The following CIMAP3 variants were observed in gnomAD, a reference collection of about 807,000 sequenced individuals.
CIMAP3 encodes the protein ciliary microtubule associated protein 3, also known as ciliary microtubule-associated protein 3.
At chr1:111,339,043 G>A in the CIMAP3 span, among the ~76,000 whole-genome samples, 12 of 152,128 alleles carry the variant, frequency 7.9e-5, no homozygotes, top group African/African-American at 2.9e-4. Context: ...TGCAAGGCTG[G>A]TTCAATATAC....
chr1:111,347,568 C>T, the CIMAP3 span: 3 of 687,712 alleles, frequency 4.4e-6, no homozygotes, highest in East Asian at 2.6e-5. Context: ...ACACACTAAG[C>T]TCACTCCATT....
chr1:111,332,864 G>A, the CIMAP3 span, among the ~76,000 whole-genome samples: 1 of 152,170 alleles, frequency 6.6e-6, no homozygotes, highest in Non-Finnish European at 1.5e-5. Flanking sequence ...CCCTCCAGGG[G>A]CGGCCTGTGA....
At chr1:111,329,598 A>C in the CIMAP3 span, among the ~76,000 whole-genome samples, 1 of 142,132 alleles carries the variant, frequency 7.0e-6, no homozygotes, top group Non-Finnish European at 1.5e-5. Context: ...CTTGTTGCCC[A>C]GCCTGGAATG....
the CIMAP3 span, among the ~76,000 whole-genome samples, chr1:111,339,592 A>G: frequency 6.6e-6 from 1 of 151,918 alleles, no homozygotes; most frequent in African/African-American, 2.4e-5. Context: ...TCATGAGTGA[A>G]TTCCCATTCA....
the CIMAP3 span, among the ~76,000 whole-genome samples, chr1:111,346,035 T>C: frequency 6.6e-6 from 1 of 151,098 alleles, no homozygotes; most frequent in Non-Finnish European, 1.5e-5. Flanking sequence ...ACTATTAGAG[T>C]CTTCTCTGAT....
chr1:111,325,103 A>G, the CIMAP3 span, among the ~76,000 whole-genome samples: 1 of 152,202 alleles, frequency 6.6e-6, no homozygotes, highest in African/African-American at 2.4e-5. Context: ...CTTCATTTGC[A>G]CAAAGATACC....
the CIMAP3 span, among the ~76,000 whole-genome samples, chr1:111,344,033 T>C: frequency 0.78 from 118,579 of 152,176 alleles, 47,162 homozygotes; most frequent in African/African-American, 0.91. Flanking sequence ...TTAATGACTC[T>C]GATATCTGGA....
the CIMAP3 span, chr1:111,350,212 C>T: frequency 1.9e-6 from 3 of 1,609,938 alleles, no homozygotes; most frequent in South Asian, 2.2e-5. Context: ...GAAAAGAACC[C>T]TAAAAGCTGA....
At chr1:111,333,999 A>G in the CIMAP3 span, among the ~76,000 whole-genome samples, 2 of 152,220 alleles carry the variant, frequency 1.3e-5, no homozygotes, top group South Asian at 4.1e-4. Flanking sequence ...TATAGAATTG[A>G]TGATTTTTAC....
At chr1:111,339,549 T>C in the CIMAP3 span, among the ~76,000 whole-genome samples, 2 of 151,500 alleles carry the variant, frequency 1.3e-5, no homozygotes, top group South Asian at 2.1e-4. Flanking sequence ...CAAGCATTCT[T>C]ATACACCAAT....
chr1:111,339,180 AAT>A, the CIMAP3 span, among the ~76,000 whole-genome samples: 1,926 of 151,810 alleles, frequency 0.013, 55 homozygotes, highest in African/African-American at 0.045. Context: ...ACTCTCAATA[AAT>A]TAGGTATTCA....
chr1:111,346,772 C>G, the CIMAP3 span: 1 of 1,558,308 alleles, frequency 6.4e-7, no homozygotes, highest in Non-Finnish European at 8.8e-7. Flanking sequence ...TCGCCCCCCT[C>G]CAGGAGTTTG....
the CIMAP3 span, among the ~76,000 whole-genome samples, chr1:111,334,991 G>A: frequency 6.6e-6 from 1 of 152,054 alleles, no homozygotes; most frequent in Non-Finnish European, 1.5e-5. Flanking sequence ...AGCTGGGCGT[G>A]GTGGTGCACA....
At chr1:111,328,945 C>T in the CIMAP3 span, among the ~76,000 whole-genome samples, 5 of 152,186 alleles carry the variant, frequency 3.3e-5, no homozygotes, top group Admixed American at 6.5e-5. Flanking sequence ...TACAATTACA[C>T]TGGTCTGTGT....
At chr1:111,328,151 T>C in the CIMAP3 span, among the ~76,000 whole-genome samples, 1,204 of 152,314 alleles carry the variant, frequency 7.9e-3, 16 homozygotes, top group African/African-American at 0.027. Context: ...CATGTAATTG[T>C]ATAGTTTTGA....
the CIMAP3 span, chr1:111,351,165 A>ATTTTTTT: frequency 1.3e-6 from 1 of 763,804 alleles, no homozygotes; most frequent in Non-Finnish European, 2.0e-6. Context: ...TATAATGTAC[A>ATTTTTTT]GTTTTTTTTT....
At chr1:111,351,721 C>A in the CIMAP3 span, 1 of 160,290 alleles carries the variant, frequency 6.2e-6, no homozygotes, top group Non-Finnish European at 1.4e-5. Flanking sequence ...TTTGGGCTTG[C>A]TAGATACAGA....
the CIMAP3 span, chr1:111,350,034 G>C: frequency 8.2e-7 from 1 of 1,220,920 alleles, no homozygotes; most frequent in Non-Finnish European, 1.2e-6. Flanking sequence ...GTCCAGGGAC[G>C]GCTCTGGTAC....
the CIMAP3 span, among the ~76,000 whole-genome samples, chr1:111,335,127 CAAAAAAAAA>C: frequency 1.0e-4 from 3 of 29,318 alleles, no homozygotes; most frequent in African/African-American, 3.6e-4. Flanking sequence ...GTCTCTGTCT[CAAAAAAAAA>C]AAAAAAAAAA....
Sources: gnomAD v4.1 joint callset for allele counts (sites outside exome capture counted in the v4.1 genomes callset) on GRCh38, gnomAD v4.1.1 for gene constraint, MANE v1.5 for transcripts, NCBI Gene and HGNC (gene_info 2026-07-23, HGNC 2026-07-21) for gene names.